Variants in PTPRO observed in about 807,000 individuals in gnomAD.
PTPRO encodes the protein receptor-type tyrosine-protein phosphatase O.
In PTPRO, 62 loss-of-function variants were observed where a neutral mutation model predicts 145.2. That is an observed-to-expected ratio of 0.43 (90% CI 0.35 to 0.53). The LOEUF (loss-of-function observed/expected upper bound fraction) is 0.53, where lower values mean the gene tolerates loss of function less well. PTPRO is among the 20% of genes least tolerant of loss of function. PTPRO has a pLI of 0.01. For missense variants in PTPRO, 1,345 were observed against 1,482.7 expected (o/e 0.91, Z 1.53); for synonymous variants, 565 against 514.7 (o/e 1.10, Z -1.32).
chr12:15,382,507 T>C (rs1938894460), intron 1 of PTPRO, among the ~76,000 whole-genome samples: 1 of 152,148 alleles, frequency 6.6e-6, no homozygotes. Context: ...AGAATTTCTG[T>C]CAGAATTGTC....
chr12:15,501,851 A>T lies in PTPRO; in HGVS notation c.893A>T (p.Tyr298Phe), dbSNP rs1942228187. 5 of 1,613,982 alleles carry T rather than the reference A, an allele frequency of 3.1e-6. No homozygotes were observed. Among genetic ancestry groups the T allele is most frequent in the Non-Finnish European group, 3.4e-6 (4 of 1,180,018 alleles). ...SSDYETTSQP[Y>F]WWDSASAAPE... ...GACTATGAAACTACGTCTCAGCCAT[A>T]TTGGTGGGACAGTGCATCTGCAGCT... is the stretch of plus-strand genomic sequence containing the variant. Residue 298 changes from tyrosine to phenylalanine, a missense_variant, in exon 5 of 27, where the codon TAT (tyrosine) becomes TTT (phenylalanine). This residue lies in a region of PTPRO where 1,130 missense variants were observed against 1,214.7 expected (regional missense o/e 0.93). Coordinates refer to ENST00000281171, the MANE Select transcript of PTPRO (RefSeq NM_030667.3).
intron 1 of PTPRO, among the ~76,000 whole-genome samples, chr12:15,402,738 A>G (rs1939533603): frequency 6.6e-6 from 1 of 152,202 alleles, no homozygotes; most frequent in Admixed American, 6.5e-5. Context: ...ACCAAGCAGT[A>G]CTATAATGCT....
chr12:15,439,711 C>G, intron 1 of PTPRO: 1 of 496,254 alleles, frequency 2.0e-6, no homozygotes, highest in South Asian at 1.6e-5. Context: ...GGATGCCCGT[C>G]ACCGAGCTGG....
At chr12:15,441,074 G>A (rs989688196) in intron 1 of PTPRO, among the ~76,000 whole-genome samples, 1 of 152,082 alleles carries the variant, frequency 6.6e-6, no homozygotes, top group Non-Finnish European at 1.5e-5. Flanking sequence ...CTTCTTATCT[G>A]CACATGGAAC....
chr12:15,352,144 A>G (rs994829546), intron 1 of PTPRO, among the ~76,000 whole-genome samples: 11 of 152,202 alleles, frequency 7.2e-5, no homozygotes, highest in African/African-American at 2.7e-4. Context: ...TGCGCCCAGC[A>G]TGTAGCTCTG....
chr12:15,383,018 T>C (rs1938912508), intron 1 of PTPRO, among the ~76,000 whole-genome samples: 1 of 152,220 alleles, frequency 6.6e-6, no homozygotes, highest in Non-Finnish European at 1.5e-5. Context: ...AATACAATAT[T>C]ATTAACAATA....
At chr12:15,452,380 A>G (rs1212082113) in intron 1 of PTPRO, among the ~76,000 whole-genome samples, 2 of 152,174 alleles carry the variant, frequency 1.3e-5, no homozygotes, top group Admixed American at 6.5e-5. Flanking sequence ...AAAGTCCAGG[A>G]CTAGACGGAT....
At chr12:15,330,531 C>G (rs1342491755) in intron 1 of PTPRO, among the ~76,000 whole-genome samples, 1 of 152,214 alleles carries the variant, frequency 6.6e-6, no homozygotes, top group East Asian at 1.9e-4. Flanking sequence ...TTCCTGTTCC[C>G]TTGCCCTTTG....
chr12:15,535,328 CA>C lies in PTPRO; in HGVS notation c.2164+9068del, dbSNP rs535170235. Among the ~76,000 whole-genome samples, 51 of 152,184 alleles carry C rather than the reference CA, an allele frequency of 3.4e-4. 1 individual carries two copies. Among genetic ancestry groups the C allele is most frequent in the African/African-American group, 1.1e-3 (46 of 41,526 alleles). On this transcript the variant is annotated intron_variant, in intron 12 of 26. Transcript: ENST00000281171. ...AGGGAAGAAAAGAGAAGCCCTGGAT[CA>C]ACTCTAGAGGAGCCACCCCAGCAGT...
chr12:15,330,751 T>C (rs781359595), intron 1 of PTPRO, among the ~76,000 whole-genome samples: 6 of 152,216 alleles, frequency 3.9e-5, no homozygotes, highest in Non-Finnish European at 8.8e-5. Context: ...CTTTATCCCT[T>C]GAGAGCAATA....
chr12:15,424,094 T>G (rs1472358576), intron 1 of PTPRO, among the ~76,000 whole-genome samples: 3 of 152,240 alleles, frequency 2.0e-5, no homozygotes, highest in Admixed American at 2.0e-4. Context: ...TCTGGCATTT[T>G]AAGTTATAAC....
chr12:15,513,703 T>C (rs1409190167), intron 7 of PTPRO, among the ~76,000 whole-genome samples: 1 of 152,170 alleles, frequency 6.6e-6, no homozygotes, highest in African/African-American at 2.4e-5. Flanking sequence ...TCTCCATTGA[T>C]TCATGTTCCT....
chr12:15,447,100 C>T (rs1940921136), intron 1 of PTPRO, among the ~76,000 whole-genome samples: 1 of 152,098 alleles, frequency 6.6e-6, no homozygotes, highest in Non-Finnish European at 1.5e-5. Flanking sequence ...CCGCAAGAGG[C>T]TGCCTGGAAA....
intron 1 of PTPRO, among the ~76,000 whole-genome samples, chr12:15,397,819 C>T (rs1213998353): frequency 6.6e-6 from 1 of 152,172 alleles, no homozygotes; most frequent in East Asian, 1.9e-4. Flanking sequence ...TCTGAATACT[C>T]TTTGACCAAC....
chr12:15,426,776 G>A (rs1432410295), intron 1 of PTPRO, among the ~76,000 whole-genome samples: 1 of 151,822 alleles, frequency 6.6e-6, no homozygotes, highest in African/African-American at 2.4e-5. Flanking sequence ...AAGTTTTCCA[G>A]AGAAAATACC....
intron 12 of PTPRO, among the ~76,000 whole-genome samples, chr12:15,529,339 A>G (rs1343338573): frequency 6.6e-6 from 1 of 152,032 alleles, no homozygotes; most frequent in African/African-American, 2.4e-5. Context: ...ATGATCTAAG[A>G]TAAGTTGTCA....
In PTPRO at chr12:15,360,601, CTCTT is replaced by C. The variant is rs554167926; in HGVS notation, c.75+37804_75+37807del. Among the ~76,000 whole-genome samples the C allele has an allele frequency of 4.1e-4, 62 of 151,604 alleles. No homozygotes were observed. In the South Asian group the frequency reaches 0.011, roughly 28 times the overall value. ...ACAGTCTGTGATTGATTTAGTATCT[CTCTT>C]TCTCTCTCTCTCTCTATATATATAT... is the stretch of plus-strand genomic sequence containing the variant. On this transcript the variant is annotated intron_variant, in intron 1 of 26. Coordinates refer to ENST00000281171, the MANE Select transcript of PTPRO (RefSeq NM_030667.3).
chr12:15,416,285 A>C (rs537973131), intron 1 of PTPRO, among the ~76,000 whole-genome samples: 7 of 150,784 alleles, frequency 4.6e-5, no homozygotes, highest in African/African-American at 1.7e-4. Context: ...TTAATGGTCA[A>C]ACTAAATCTT....
chr12:15,336,370 A>G (rs1866762145), intron 1 of PTPRO, among the ~76,000 whole-genome samples: 1 of 152,174 alleles, frequency 6.6e-6, no homozygotes, highest in Non-Finnish European at 1.5e-5. Context: ...GGTCAATTGC[A>G]TGCAATTCCC....
Sources: gnomAD v4.1 joint callset for allele counts (sites outside exome capture counted in the v4.1 genomes callset) on GRCh38, gnomAD v4.1.1 for gene constraint, gnomAD v4.1.1 regional missense constraint, MANE v1.5 for transcripts, NCBI Gene and HGNC (gene_info 2026-07-23, HGNC 2026-07-21) for gene names.